AP3M1: variants seen among roughly 807,000 people sequenced by gnomAD.
AP3M1 encodes the protein AP-3 complex subunit mu-1.
AP3M1 carries 29 observed loss-of-function variants against 42.6 expected under a neutral mutation model. The ratio of observed to expected loss-of-function variants is 0.68; its 90% CI spans 0.51 to 0.93. The LOEUF (loss-of-function observed/expected upper bound fraction) is 0.93. Ranked by LOEUF, AP3M1 falls within the 40% of genes least tolerant of loss-of-function variation. The pLI is 0.00. For synonymous variants in AP3M1, 178 were observed against 175.3 expected, an observed-to-expected ratio of 1.02 and a Z score of -0.12; for missense variants, 416 against 510.2, an observed-to-expected ratio of 0.82 and a Z score of 1.78.
intron 6 of AP3M1, among the ~76,000 whole-genome samples, chr10:74,126,716 C>T (rs147096293): frequency 0.014 from 2,156 of 151,726 alleles, 58 homozygotes; most frequent in African/African-American, 0.049. Context: ...GGGCTGGGCG[C>T]GGTGGCTCAC....
intron 4 of AP3M1, among the ~76,000 whole-genome samples, chr10:74,130,745 A>G (rs1840756224): frequency 6.6e-6 from 1 of 152,142 alleles, no homozygotes; most frequent in African/African-American, 2.4e-5. Flanking sequence ...ACCCAGCCAG[A>G]ATATGCTAAT....
intron 4 of AP3M1, 122 bp downstream of exon 4, chr10:74,133,905 G>T: frequency 1.7e-6 from 2 of 1,192,572 alleles, no homozygotes; most frequent in African/African-American, 1.5e-5. Context: ...CGCCTGCCTT[G>T]GCCTCCCAAA....
In AP3M1 at chr10:74,140,302, C is replaced by CT. The variant is rs1841104407; in HGVS notation, c.-3-1921_-3-1920insA. ...TCGTCTGCCTTGGGGCGCTCCTGGC[C>CT]AGCTGGTCGCCGTAGGTTAAACTCA... On this transcript the variant is annotated intron_variant, in intron 1 of 8. Transcript: ENST00000355264. Among the ~76,000 whole-genome samples the CT allele has an allele frequency of 2.0e-5, 3 of 152,370 alleles. No individual in the cohort carries two copies. In the South Asian group the frequency reaches 6.2e-4, roughly 32 times the overall value.
chr10:74,132,153 T>C (rs1840796925), intron 4 of AP3M1, among the ~76,000 whole-genome samples: 1 of 152,080 alleles, frequency 6.6e-6, no homozygotes, highest in Non-Finnish European at 1.5e-5. Context: ...TTCTCCTGCC[T>C]CAGCCTCCCA....
chr10:74,146,983 T>A (rs748753268), intron 1 of AP3M1, among the ~76,000 whole-genome samples: 19 of 152,120 alleles, frequency 1.2e-4, no homozygotes, highest in Non-Finnish European at 2.2e-4. Flanking sequence ...GAGGTTAAGC[T>A]ACGAGAATTG....
intron 1 of AP3M1, among the ~76,000 whole-genome samples, chr10:74,146,400 C>T (rs890752111): frequency 3.3e-5 from 5 of 152,134 alleles, no homozygotes; most frequent in African/African-American, 1.2e-4. Flanking sequence ...AATTACACTG[C>T]GGAAACTGGA....
Position 74,140,035 on chromosome 10 carries a change from G to A in AP3M1, c.-3-1653C>T, listed in dbSNP as rs533356460. 6.6e-5 allele frequency among the ~76,000 whole-genome samples: 10 copies of A among 152,250 alleles called. 1 individual carries two copies. The South Asian group carries it at 1.9e-3, about 28-fold the overall frequency. On this transcript the variant is annotated intron_variant, in intron 1 of 8. Coordinates refer to ENST00000355264, the MANE Select transcript of AP3M1 (RefSeq NM_012095.6). ...AATCTTGAAAAGGAACAACAGGGGC[G>A]AACGGGGTGGGGTGCGCCATTCCTC...
intron 1 of AP3M1, among the ~76,000 whole-genome samples, chr10:74,139,462 A>C (rs927573297): frequency 6.6e-6 from 1 of 151,526 alleles, no homozygotes; most frequent in African/African-American, 2.4e-5. Context: ...AAAAAAAAAA[A>C]AACAAAACAA....
rs781402424 is a variant in AP3M1, at chr10:74,138,316, T to G, written c.64A>C (p.Ser22Arg). The change falls in exon 2 of 9, where the codon AGC (serine) becomes CGC (arginine). Residue 22 changes from serine to arginine, a missense_variant. Ser to Arg is a moderately radical substitution (Grantham distance 110). Transcript: ENST00000355264. ...TCACAGACAGACTGGCTCACAACGC[T>G]CTTCCAGTGCTTCTCTAGAAATATG... ...GDIFLEKHWK[S>R]VVSQSVCDYF... 1.2e-6 allele frequency: 2 copies of G among 1,614,042 alleles called. No individual in the cohort carries two copies. The highest frequency in any genetic ancestry group is 2.7e-5 in the African/African-American group (2 of 74,926).
intron 1 of AP3M1, among the ~76,000 whole-genome samples, chr10:74,144,232 A>AT (rs1048815711): frequency 3.9e-5 from 6 of 152,078 alleles, no homozygotes; most frequent in African/African-American, 1.4e-4. Context: ...AAGTGCTGGG[A>AT]TTACAGGCGT....
intron 4 of AP3M1, among the ~76,000 whole-genome samples, chr10:74,133,568 T>C (rs911150761): frequency 6.6e-6 from 1 of 151,718 alleles, no homozygotes; most frequent in African/African-American, 2.4e-5. Flanking sequence ...CTCAAATAAA[T>C]AAATAAATAA....
chr10:74,139,395 C>T (rs1201809790), intron 1 of AP3M1, among the ~76,000 whole-genome samples: 1 of 151,628 alleles, frequency 6.6e-6, no homozygotes, highest in Non-Finnish European at 1.5e-5. Context: ...AGGAGGATTG[C>T]TTGAGCTCAG....
At chr10:74,129,076 G>A (rs1238876419) in intron 6 of AP3M1, 32 bp downstream of exon 6, 32 of 1,612,108 alleles carry the variant, frequency 2.0e-5, no homozygotes, top group Non-Finnish European at 2.6e-5. Flanking sequence ...TGATATGTAT[G>A]ATGGCAGATT....
chr10:74,133,368 T>A (rs1419059691), intron 4 of AP3M1, among the ~76,000 whole-genome samples: 1 of 148,506 alleles, frequency 6.7e-6, no homozygotes, highest in Non-Finnish European at 1.5e-5. Flanking sequence ...CACTCCACCC[T>A]GGGCAATAAG....
In AP3M1 at chr10:74,126,272, C is replaced by T; in HGVS notation, c.887G>A (p.Gly296Glu). Residue 296 changes from glycine to glutamate, a missense_variant, in exon 7 of 9, where the codon GGA (glycine) becomes GAA (glutamate). Physicochemically the swap from Gly to Glu is moderately conservative, Grantham distance 98 (BLOSUM62 -2). Coordinates refer to ENST00000355264, the MANE Select transcript of AP3M1 (RefSeq NM_012095.6). Reference protein sequence around the residue: ...SSCGRFDITIGPKQNMGKTIE... With the variant: ...SSCGRFDITIEPKQNMGKTIE... ...AGTTTTCCCCATATTCTGCTTTGGT[C>T]CAATTGTTATATCAAATCTGCCGCA... 6.2e-7 allele frequency: 1 copy of T among 1,614,134 alleles called. No homozygotes were observed. The highest frequency in any genetic ancestry group is 8.5e-7 in the Non-Finnish European group (1 of 1,180,026).
In AP3M1 at chr10:74,129,992, C is replaced by A. The variant is rs1176875811; in HGVS notation, c.584G>T (p.Gly195Val). Residue 195 changes from glycine to valine, a missense_variant and splice_region_variant, in exon 5 of 9, where the codon GGA becomes GTA. Gly to Val is a moderately radical substitution (Grantham distance 109). Transcript: ENST00000355264. ...EEIDAIIDKS[G>V]STVFAEIQGV... Reference sequence around the variant, plus strand: ...CTGAATTTCTGCAAAGACTGTAGATCCTGAAGAAAGAAAAAAAAAAGGAAG... The same window carrying A: ...CTGAATTTCTGCAAAGACTGTAGATACTGAAGAAAGAAAAAAAAAAGGAAG... The A allele has an allele frequency of 6.5e-7, 1 of 1,543,526 alleles. No homozygotes were observed. Among genetic ancestry groups the A allele is most frequent in the Non-Finnish European group, 8.7e-7 (1 of 1,147,010 alleles).
chr10:74,138,917 CAAGTG>C (rs2131986866), intron 1 of AP3M1: 1 of 130,310 alleles, frequency 7.7e-6, no homozygotes, highest in South Asian at 2.4e-4. Context: ...CCTGGGTGAC[CAAGTG>C]AGACACTATC....
At chr10:74,133,204 G>C (rs1030844245) in intron 4 of AP3M1, among the ~76,000 whole-genome samples, 1 of 152,178 alleles carries the variant, frequency 6.6e-6, no homozygotes, top group Non-Finnish European at 1.5e-5. Flanking sequence ...AGACCAGCCT[G>C]ACCAACGTGG....
At chr10:74,143,305 A>G (rs1215531106) in intron 1 of AP3M1, among the ~76,000 whole-genome samples, 1 of 152,210 alleles carries the variant, frequency 6.6e-6, no homozygotes, top group African/African-American at 2.4e-5. Flanking sequence ...GCTGGAGTGC[A>G]GTGGTGTGAT....
Sources: allele counts gnomAD v4.1 joint callset (sites outside exome capture counted in the v4.1 genomes callset), GRCh38; gene constraint gnomAD v4.1.1; transcripts MANE v1.5; gene names NCBI Gene and HGNC (gene_info 2026-07-23, HGNC 2026-07-21).